Variants in USH2A observed in about 807,000 individuals in gnomAD.
The protein encoded by USH2A is usherin.
USH2A carries 443 observed loss-of-function variants against 538.9 expected under a neutral mutation model. The observed-to-expected ratio is 0.82, with a 90% CI of 0.76 to 0.89. The LOEUF is 0.89. Among genes scored for constraint, USH2A ranks in the 40% least tolerant of loss-of-function variants. The probability of loss-of-function intolerance (pLI) is 0.00; values close to 1 mark genes in which losing one functional copy is unlikely to be tolerated. For missense variants in USH2A, 6,633 were observed against 6,324.8 expected (o/e 1.05, Z -1.65); for synonymous variants, 2,413 against 2,273.5 (o/e 1.06, Z -1.75).
intron 21 of USH2A, among the ~76,000 whole-genome samples, chr1:216,152,842 C>A (rs1177527985): frequency 2.0e-5 from 3 of 152,212 alleles, no homozygotes; most frequent in Non-Finnish European, 4.4e-5. Flanking sequence ...TTTTCACACC[C>A]AAGTGTTGCC....
chr1:216,204,097 T>A (rs2035059109), intron 16 of USH2A: 1 of 155,800 alleles, frequency 6.4e-6, no homozygotes, highest in South Asian at 2.1e-4. Flanking sequence ...TTAAATTTGA[T>A]CTGCCTACTA....
At chr1:216,234,073 T>C (rs969786601) in intron 13 of USH2A, among the ~76,000 whole-genome samples, 2 of 152,206 alleles carry the variant, frequency 1.3e-5, no homozygotes, top group African/African-American at 4.8e-5. Flanking sequence ...AGCAATGATA[T>C]TGAAAGAAGG....
chr1:215,863,332 T>C (rs1307649984), intron 44 of USH2A, among the ~76,000 whole-genome samples: 4 of 152,056 alleles, frequency 2.6e-5, no homozygotes, highest in African/African-American at 9.6e-5. Context: ...ATAACTAAAG[T>C]GATGGAAAAG....
chr1:216,042,713 C>T (rs2030333775), intron 32 of USH2A, among the ~76,000 whole-genome samples: 1 of 152,070 alleles, frequency 6.6e-6, no homozygotes, highest in Non-Finnish European at 1.5e-5. Context: ...CAGACAGAGT[C>T]CCTTTCCTAT....
chr1:216,050,602 TTC>T lies in USH2A; in HGVS notation c.6050-1957_6050-1956del, dbSNP rs1242946563. Among the ~76,000 whole-genome samples the T allele has an allele frequency of 3.9e-3, 208 of 53,104 alleles. 3 individuals are homozygous for T. The highest frequency in any genetic ancestry group is 0.011 in the African/African-American group (201 of 17,900). 34.8% of individuals were successfully genotyped at this position (53,104 alleles called of 152,430 possible). A position where few individuals can be genotyped will look rare whatever the true frequency, so the allele number is the denominator to read the frequency against. On this transcript the variant is annotated intron_variant, in intron 30 of 71. Transcript: ENST00000307340. ...TTTCTTTCTTTCTTTCTTTCTTTCT[TTC>T]TTTTTTTTTTTTTTTTTTGAGACAG...
intron 4 of USH2A, among the ~76,000 whole-genome samples, chr1:216,337,928 G>C (rs1332743687): frequency 6.6e-6 from 1 of 151,016 alleles, no homozygotes; most frequent in Non-Finnish European, 1.5e-5. Flanking sequence ...AAAACCTTGA[G>C]ATACCTAGGA....
chr1:216,029,121 A>C (rs748617197), intron 32 of USH2A, among the ~76,000 whole-genome samples: 2 of 152,080 alleles, frequency 1.3e-5, no homozygotes, highest in Admixed American at 6.6e-5. Flanking sequence ...ATTAATATAT[A>C]TTCATGGTAC....
At chr1:215,664,865 T>C (rs1239936228) in intron 64 of USH2A, among the ~76,000 whole-genome samples, 2 of 152,204 alleles carry the variant, frequency 1.3e-5, no homozygotes, top group African/African-American at 4.8e-5. Flanking sequence ...CTTGACCTTG[T>C]ACTTTCCCGC....
chr1:215,870,468 T>C (rs899036912), intron 43 of USH2A, among the ~76,000 whole-genome samples: 1 of 149,768 alleles, frequency 6.7e-6, no homozygotes, highest in Non-Finnish European at 1.5e-5. Context: ...CTTTTTTTTT[T>C]TTTTTTTTAG....
chr1:216,103,230 G>A (rs2032637087), intron 21 of USH2A, among the ~76,000 whole-genome samples: 1 of 152,220 alleles, frequency 6.6e-6, no homozygotes, highest in Admixed American at 6.5e-5. Flanking sequence ...TTTGTACTGT[G>A]GGTGCTGGGT....
chr1:215,662,738 A>C (rs1657482290), intron 64 of USH2A, among the ~76,000 whole-genome samples: 1 of 152,320 alleles, frequency 6.6e-6, no homozygotes, highest in African/African-American at 2.4e-5. Flanking sequence ...AATCATTTAA[A>C]ACCTTGAGCT....
intron 15 of USH2A, among the ~76,000 whole-genome samples, chr1:216,216,185 G>T (rs2035338203): frequency 6.6e-6 from 1 of 152,018 alleles, no homozygotes; most frequent in African/African-American, 2.4e-5. Context: ...ATGAAGTCCA[G>T]ATTTATGTTT....
At chr1:216,103,057 G>C (rs2032630428) in intron 21 of USH2A, among the ~76,000 whole-genome samples, 1 of 152,168 alleles carries the variant, frequency 6.6e-6, no homozygotes, top group African/African-American at 2.4e-5. Context: ...TTGTGTAAGA[G>C]ATACTAAGTA....
intron 35 of USH2A, among the ~76,000 whole-genome samples, chr1:215,985,076 T>C (rs1036981031): frequency 6.6e-6 from 1 of 152,226 alleles, no homozygotes; most frequent in South Asian, 2.1e-4. Flanking sequence ...TGCTCAAAAC[T>C]GTCAAGCAGT....
chr1:215,965,431 A>T lies in USH2A; in HGVS notation c.7006T>A (p.Phe2336Ile). The stretch of plus-strand genomic sequence containing the variant: ...TTCCGGGATCCCTGTGTTTTGACAA[A>T]CACATTTACTGTTCCTTCAGGAGGA... The part of the protein sequence containing the change: ...EAPPEGTVNV[F>I]VKTQGSRKAH... Residue 2336 changes from phenylalanine to isoleucine, a missense_variant, in exon 37 of 72, where the codon TTT (phenylalanine) becomes ATT (isoleucine). Phe to Ile is a conservative substitution (Grantham distance 21). Transcript: ENST00000307340. The T allele has an allele frequency of 6.2e-7, 1 of 1,613,758 alleles. No individual in the cohort carries two copies. Among genetic ancestry groups the T allele is most frequent in the Admixed American group, 1.7e-5 (1 of 59,976 alleles).
intron 52 of USH2A, among the ~76,000 whole-genome samples, chr1:215,784,397 C>T (rs1384660038): frequency 1.3e-5 from 2 of 152,182 alleles, no homozygotes; most frequent in African/African-American, 2.4e-5. Flanking sequence ...GCAAATTAAA[C>T]TACTTATTGG....
At chr1:215,793,542 T>C (rs1662040627) in intron 50 of USH2A, among the ~76,000 whole-genome samples, 1 of 151,896 alleles carries the variant, frequency 6.6e-6, no homozygotes, top group East Asian at 1.9e-4. Context: ...GTGATACATT[T>C]TATAGCACTG....
At chr1:215,751,717 C>T (rs1660627905) in intron 58 of USH2A, among the ~76,000 whole-genome samples, 1 of 151,916 alleles carries the variant, frequency 6.6e-6, no homozygotes, top group Non-Finnish European at 1.5e-5. Flanking sequence ...AAGTCCTGAC[C>T]CAATGTTGAG....
At chr1:215,741,097 C>T (rs1340947294) in intron 60 of USH2A, among the ~76,000 whole-genome samples, 1 of 151,996 alleles carries the variant, frequency 6.6e-6, no homozygotes, top group East Asian at 1.9e-4. Context: ...CCTATGTGGG[C>T]TATAAGGTCT....
Sources: gnomAD v4.1 joint callset for allele counts (sites outside exome capture counted in the v4.1 genomes callset) on GRCh38, gnomAD v4.1.1 for gene constraint, MANE v1.5 for transcripts, NCBI Gene and HGNC (gene_info 2026-07-23, HGNC 2026-07-21) for gene names.